The following DDX46 variants were observed in gnomAD, a reference collection of about 807,000 sequenced individuals.
DDX46 encodes the protein DEAD-box helicase 46, also known as probable ATP-dependent RNA helicase DDX46.
Under a neutral mutation model 134.9 loss-of-function variants are expected in DDX46, and 30 were observed. The observed-to-expected ratio is 0.22, with a 90% CI of 0.17 to 0.30. The LOEUF (loss-of-function observed/expected upper bound fraction) is 0.30, where lower values mean the gene tolerates loss of function less well. DDX46 is among the 10% of genes least tolerant of loss of function. The pLI, the probability that DDX46 is intolerant of heterozygous loss-of-function variation, is 1.00. For synonymous variants in DDX46, 415 were observed against 404.1 expected (o/e 1.03, Z -0.32); for missense variants, 622 against 1,248.7 (o/e 0.50, Z 7.56).
intron 18 of DDX46, among the ~76,000 whole-genome samples, chr5:134,812,787 A>G (rs1451902268): frequency 6.6e-6 from 1 of 151,992 alleles, no homozygotes; most frequent in Non-Finnish European, 1.5e-5. Context: ...ACAGGCACCC[A>G]CCACCACGCC....
chr5:134,809,776 A>G (rs1755088621), intron 16 of DDX46, among the ~76,000 whole-genome samples: 2 of 151,944 alleles, frequency 1.3e-5, no homozygotes, highest in African/African-American at 4.8e-5. Flanking sequence ...TGGGAGGCCG[A>G]GGCGGGCGGA....
intron 12 of DDX46, among the ~76,000 whole-genome samples, chr5:134,789,587 C>CTT (rs550884743): frequency 6.8e-6 from 1 of 146,744 alleles, no homozygotes; most frequent in Non-Finnish European, 1.5e-5. Context: ...TAAATAATCC[C>CTT]TTTTTTTTTT....
In DDX46 at chr5:134,773,734, G is replaced by A. The variant is rs755606313; in HGVS notation, c.486G>A (p.Lys162=). Residue 162 remains lysine, a synonymous_variant, in exon 5 of 23, where the codon AAG becomes AAA. Transcript: ENST00000452510. The part of the protein sequence containing the change: ...DQNKLEEEMR[K]RKERVEKWRE... ...ATAAGCTGGAAGAAGAAATGAGAAAGCGAAAAGAAAGAGTAGAAAAATGGC... is the reference window on the plus strand; with the variant it reads ...ATAAGCTGGAAGAAGAAATGAGAAAACGAAAAGAAAGAGTAGAAAAATGGC... 1.5e-5 allele frequency: 24 copies of A among 1,610,470 alleles called. No homozygotes were observed. In the South Asian group the frequency reaches 2.3e-4, roughly 16 times the overall value.
chr5:134,787,187 G>C (rs1422648322), intron 11 of DDX46, among the ~76,000 whole-genome samples: 3 of 152,016 alleles, frequency 2.0e-5, no homozygotes, highest in African/African-American at 4.8e-5. Context: ...GCTTCCCTTT[G>C]TAACACCTCC....
chr5:134,816,861 G>A (rs1755299734), intron 19 of DDX46: 1 of 379,392 alleles, frequency 2.6e-6, no homozygotes, highest in East Asian at 5.3e-5. Context: ...ATTCTGATGA[G>A]TCTTAACAAA....
intron 16 of DDX46, among the ~76,000 whole-genome samples, chr5:134,809,224 C>A (rs947234277): frequency 6.6e-6 from 1 of 152,114 alleles, no homozygotes; most frequent in Non-Finnish European, 1.5e-5. Context: ...GTCACATATT[C>A]TTCTCTTTCT....
intron 4 of DDX46, 67 bp downstream of exon 4, chr5:134,771,066 T>C: frequency 1.5e-6 from 1 of 682,640 alleles, no homozygotes; most frequent in Non-Finnish European, 2.5e-6. Context: ...CTTTTCTTTC[T>C]TTCCCTCTTT....
chr5:134,768,649 G>T, intron 3 of DDX46, among the ~76,000 whole-genome samples: 1 of 151,994 alleles, frequency 6.6e-6, no homozygotes, highest in Admixed American at 6.6e-5. Context: ...GAGAAAAAAG[G>T]TTGACTAATT....
intron 9 of DDX46, among the ~76,000 whole-genome samples, chr5:134,783,357 A>G (rs56310883): frequency 6.7e-6 from 1 of 149,540 alleles, no homozygotes; most frequent in Non-Finnish European, 1.5e-5. Flanking sequence ...GGGCTCAAGC[A>G]GTTCTCCTGC....
chr5:134,812,496 A>G (rs1755174144), intron 18 of DDX46, among the ~76,000 whole-genome samples: 2 of 152,136 alleles, frequency 1.3e-5, no homozygotes, highest in Non-Finnish European at 2.9e-5. Flanking sequence ...TTTGGAAATC[A>G]GAAATTCAAC....
At chr5:134,782,123 A>G (rs752875092) in intron 8 of DDX46, 37 bp downstream of exon 8, 3 of 1,537,778 alleles carry the variant, frequency 2.0e-6, no homozygotes, top group Middle Eastern at 2.4e-4. Flanking sequence ...GTTATAAGGG[A>G]ACAGAAGAGG....
At chr5:134,785,313 T>C (rs936997611) in intron 10 of DDX46, 152 bp from the exon 11 acceptor site, 23 of 874,334 alleles carry the variant, frequency 2.6e-5, no homozygotes, top group Non-Finnish European at 3.6e-5. Flanking sequence ...CCTCTGCTGT[T>C]ATACAACTTT....
In DDX46 at chr5:134,827,260, AT is replaced by A. The variant is rs1360322094; in HGVS notation, c.3051+248del. ...TCCCCCCAACAAAACCATACCTTGA[AT>A]TTTTTTTCTTTTCTTTTCTTTTTTT... On this transcript the variant is annotated intron_variant, in intron 22 of 22. Transcript: ENST00000452510. 4.0e-5 allele frequency among the ~76,000 whole-genome samples: 6 copies of A among 150,630 alleles called. No homozygotes were observed. In the East Asian group the frequency reaches 7.8e-4, roughly 20 times the overall value.
intron 17 of DDX46, 87 bp downstream of exon 17, chr5:134,811,445 C>G (rs1268708731): frequency 3.3e-6 from 5 of 1,508,134 alleles, no homozygotes; most frequent in Non-Finnish European, 3.6e-6. Context: ...TTTTATTTAA[C>G]ACTTGAAAAT....
intron 14 of DDX46, 134 bp downstream of exon 14, chr5:134,795,148 A>G (rs1754612267): frequency 1.0e-6 from 1 of 968,948 alleles, no homozygotes. Context: ...TCTAGCCTTC[A>G]GTATTTTACC....
intron 15 of DDX46, among the ~76,000 whole-genome samples, chr5:134,799,512 T>C (rs909038488): frequency 6.8e-6 from 1 of 146,956 alleles, no homozygotes; most frequent in East Asian, 2.0e-4. Flanking sequence ...TTGAGGCGGG[T>C]GGATCACTTG....
chr5:134,773,817 A>G lies in DDX46; in HGVS notation c.569A>G (p.Glu190Gly). The G allele has an allele frequency of 6.2e-7, 1 of 1,612,324 alleles. No individual in the cohort carries two copies. The highest frequency in any genetic ancestry group is 8.5e-7 in the Non-Finnish European group (1 of 1,179,472). The change falls in exon 5 of 23, where the codon GAA becomes GGA. Residue 190 changes from glutamate (E) to glycine (G), a missense_variant. Glu to Gly is a moderately conservative substitution (Grantham distance 98). This residue lies in a region of DDX46 where 244 missense variants were observed against 349.3 expected (regional missense o/e 0.70). Coordinates refer to ENST00000452510, the MANE Select transcript of DDX46 (RefSeq NM_001300860.2). ...ENIGELKKEIEEMKQGKKWSL... is the reference protein window; with the variant it reads ...ENIGELKKEIGEMKQGKKWSL... ...ATAGGAGAACTGAAAAAGGAAATCG[A>G]AGAGATGAAACAAGGGAAAAAGTGG...
intron 1 of DDX46, among the ~76,000 whole-genome samples, chr5:134,763,186 G>A (rs77621568): frequency 1.3e-5 from 2 of 152,132 alleles, no homozygotes; most frequent in African/African-American, 4.8e-5. Flanking sequence ...TGAACTGTGA[G>A]CACATCACTG....
intron 21 of DDX46, among the ~76,000 whole-genome samples, chr5:134,821,653 C>T (rs1408372348): frequency 4.6e-5 from 7 of 150,958 alleles, no homozygotes; most frequent in Non-Finnish European, 7.4e-5. Flanking sequence ...GCCTCCCAGG[C>T]TTAAGCGGTT....
Sources: gnomAD v4.1 joint callset for allele counts (sites outside exome capture counted in the v4.1 genomes callset) on GRCh38, gnomAD v4.1.1 for gene constraint, gnomAD v4.1.1 regional missense constraint, MANE v1.5 for transcripts, NCBI Gene and HGNC (gene_info 2026-07-23, HGNC 2026-07-21) for gene names.